The following EXT2 variants were observed in gnomAD, a reference collection of about 807,000 sequenced individuals.
The protein encoded by EXT2 is exostosin-2.
EXT2 carries 53 observed loss-of-function variants against 81.6 expected under a neutral mutation model. The ratio of observed to expected loss-of-function variants is 0.65; its 90% confidence interval spans 0.52 to 0.82. The LOEUF is 0.82. Ranked by LOEUF, EXT2 falls within the 40% of genes least tolerant of loss-of-function variation. The pLI is 0.00. For synonymous variants in EXT2, 320 were observed against 340.0 expected (o/e 0.94, Z 0.65); for missense variants, 774 against 910.2 (o/e 0.85, Z 1.93).
At position 44,107,653 on chromosome 11, in the gene EXT2, G is replaced by T. The variant is rs757711362; in HGVS notation, c.-30-30G>T. The T allele has an allele frequency of 1.7e-5, 27 of 1,587,198 alleles. No homozygotes were observed. The South Asian group carries it at 2.0e-4, about 12-fold the overall frequency. ...TGTCATTTGCCATCCTAAATACTTG[G>T]TTTTTCTTATTTCTCTCCCTGGTGA... On this transcript the variant is annotated intron_variant, in intron 1 of 13. Transcript: ENST00000533608.
intron 8 of EXT2, among the ~76,000 whole-genome samples, chr11:44,186,045 A>C (rs1298882403): frequency 6.6e-6 from 1 of 152,212 alleles, no homozygotes; most frequent in Non-Finnish European, 1.5e-5. Context: ...CAGATAAGTC[A>C]CTAGTTTTTT....
At chr11:44,099,151 A>G (rs1249372724) in intron 1 of EXT2, among the ~76,000 whole-genome samples, 5 of 151,090 alleles carry the variant, frequency 3.3e-5, no homozygotes, top group Non-Finnish European at 7.4e-5. Context: ...GTAGTCGTGC[A>G]CCACCACACC....
chr11:44,220,439 C>G lies in EXT2; in HGVS notation c.1663-11914C>G, dbSNP rs1326705577. Reference sequence around the variant, plus strand: ...CTCTGTCTGTTACCTCCATTTTTCACTTTTTGGAAGTACCTGAAGGGTTGC... The same window carrying G: ...CTCTGTCTGTTACCTCCATTTTTCAGTTTTTGGAAGTACCTGAAGGGTTGC... On this transcript the variant is annotated intron_variant, in intron 10 of 13. Coordinates refer to ENST00000533608, the MANE Select transcript of EXT2 (RefSeq NM_207122.2). The surrounding 1 kb of genome is among the most constrained non-coding windows in gnomAD (Gnocchi z 4.4). 6.6e-6 allele frequency among the ~76,000 whole-genome samples: 1 copy of G among 152,134 alleles called. No individual in the cohort carries two copies. The highest frequency in any genetic ancestry group is 6.5e-5 in the Admixed American group (1 of 15,276).
intron 4 of EXT2, among the ~76,000 whole-genome samples, chr11:44,121,997 TC>T (rs1954324763): frequency 6.6e-6 from 1 of 152,164 alleles, no homozygotes; most frequent in Non-Finnish European, 1.5e-5. Flanking sequence ...AGAAATGCCC[TC>T]TGGGACTCCA....
chr11:44,208,715 A>G (rs1306041098), intron 10 of EXT2, among the ~76,000 whole-genome samples: 1 of 152,224 alleles, frequency 6.6e-6, no homozygotes, highest in African/African-American at 2.4e-5. Context: ...CTCTTGGCCC[A>G]GGCCTGCAAA....
intron 7 of EXT2, among the ~76,000 whole-genome samples, chr11:44,169,893 A>C (rs1201372331): frequency 1.3e-5 from 2 of 152,162 alleles, no homozygotes; most frequent in Non-Finnish European, 2.9e-5. Context: ...TTGAGGGTAC[A>C]AATTTGAAAT....
chr11:44,142,963 A>T (rs1241155542), intron 7 of EXT2, among the ~76,000 whole-genome samples: 2 of 152,254 alleles, frequency 1.3e-5, no homozygotes, highest in South Asian at 2.1e-4. Flanking sequence ...ATTTACTTAA[A>T]TTTTTTGAAA....
At chr11:44,201,424 A>G (rs1431661392) in intron 9 of EXT2, among the ~76,000 whole-genome samples, 7 of 152,194 alleles carry the variant, frequency 4.6e-5, no homozygotes, top group Non-Finnish European at 8.8e-5. Flanking sequence ...CATGCTTATT[A>G]TCTCTAGACC....
chr11:44,116,498 A>G (rs1309535437), intron 4 of EXT2: 2 of 152,224 alleles, frequency 1.3e-5, no homozygotes, highest in Non-Finnish European at 2.9e-5. Flanking sequence ...GTTTGTATGT[A>G]AAGCTGGTTT....
At chr11:44,130,189 C>A in intron 7 of EXT2, 51 bp downstream of exon 7, 1 of 1,436,390 alleles carries the variant, frequency 7.0e-7, no homozygotes, top group Non-Finnish European at 9.8e-7. Context: ...GAAATGGTGG[C>A]CTTGACTGGA....
intron 7 of EXT2, among the ~76,000 whole-genome samples, chr11:44,157,314 G>A (rs1050711059): frequency 1.3e-5 from 2 of 152,194 alleles, no homozygotes; most frequent in South Asian, 2.1e-4. Context: ...TCCTCTGCAG[G>A]ACAGCAGGCC....
intron 4 of EXT2, among the ~76,000 whole-genome samples, chr11:44,124,484 A>ACAC (rs1954368198): frequency 9.0e-6 from 1 of 110,738 alleles, no homozygotes. Context: ...CACACACACA[A>ACAC]TTTATAGCAT....
intron 10 of EXT2, among the ~76,000 whole-genome samples, chr11:44,222,903 T>C (rs1413228164): frequency 6.6e-6 from 1 of 152,314 alleles, no homozygotes; most frequent in African/African-American, 2.4e-5. Flanking sequence ...GCTAAACATC[T>C]AGAATATGTT....
intron 6 of EXT2, among the ~76,000 whole-genome samples, chr11:44,127,739 T>C (rs1360239517): frequency 1.3e-5 from 2 of 152,228 alleles, no homozygotes; most frequent in Admixed American, 6.5e-5. Context: ...TTGGGGATTC[T>C]GAATGTTAAA....
intron 1 of EXT2, among the ~76,000 whole-genome samples, chr11:44,101,556 C>T (rs1024766690): frequency 6.6e-6 from 1 of 152,164 alleles, no homozygotes; most frequent in African/African-American, 2.4e-5. Flanking sequence ...ACTATTTTGG[C>T]AGAGTATTGA....
intron 4 of EXT2, among the ~76,000 whole-genome samples, chr11:44,119,122 A>ATTTT (rs1163191238): frequency 6.6e-5 from 3 of 45,452 alleles, no homozygotes; most frequent in South Asian, 9.3e-4. Flanking sequence ...ACATTTGGCT[A>ATTTT]TTTATATATA....
chr11:44,208,552 G>GTAATCATT (rs1955610856), intron 10 of EXT2, among the ~76,000 whole-genome samples: 1 of 152,178 alleles, frequency 6.6e-6, no homozygotes. Flanking sequence ...CTCTAAAGAA[G>GTAATCATT]TAATCATTAG....
intron 8 of EXT2, among the ~76,000 whole-genome samples, chr11:44,180,162 A>G (rs954321477): frequency 6.6e-6 from 1 of 152,148 alleles, no homozygotes; most frequent in Admixed American, 6.6e-5. Context: ...CTTTTCTCTG[A>G]TACTTTCTTC....
intron 3 of EXT2, among the ~76,000 whole-genome samples, chr11:44,109,604 T>C (rs1033080432): frequency 5.3e-5 from 8 of 152,162 alleles, no homozygotes; most frequent in African/African-American, 1.9e-4. Context: ...TTGCCACAAG[T>C]AGATGCACAG....
Sources: allele counts gnomAD v4.1 joint callset (sites outside exome capture counted in the v4.1 genomes callset), GRCh38; gene constraint gnomAD v4.1.1; non-coding constraint Gnocchi (gnomAD v3.1); transcripts MANE v1.5; gene names NCBI Gene and HGNC (gene_info 2026-07-23, HGNC 2026-07-21).